NOL4: variants seen among roughly 807,000 people sequenced by gnomAD.
NOL4 encodes the protein nucleolar protein 4, also known as cancer/testis antigen 125.
Under a neutral mutation model 75.9 loss-of-function variants are expected in NOL4, and 17 were observed. That is an observed-to-expected ratio of 0.22 (90% CI 0.15 to 0.34). The LOEUF is 0.34. NOL4 is among the 10% of genes least tolerant of loss of function. NOL4 has a pLI of 1.00. For missense variants in NOL4, 614 were observed against 793.5 expected, an observed-to-expected ratio of 0.77 and a Z score of 2.72; for synonymous variants, 292 against 289.9, an observed-to-expected ratio of 1.01 and a Z score of -0.07.
At chr18:33,958,206 AT>A in intron 7 of NOL4, 32 bp downstream of exon 7, 1 of 1,562,392 alleles carries the variant, frequency 6.4e-7, no homozygotes, top group Non-Finnish European at 8.7e-7. Context: ...AGTGGTAAAA[AT>A]TAAACCACAC....
At chr18:33,893,019 T>G (rs1271204914) in intron 9 of NOL4, among the ~76,000 whole-genome samples, 1 of 151,996 alleles carries the variant, frequency 6.6e-6, no homozygotes, top group African/African-American at 2.4e-5. Flanking sequence ...TTTTATAATA[T>G]CATGAAAATA....
chr18:34,066,817 A>G (rs1162591022), intron 5 of NOL4, among the ~76,000 whole-genome samples: 1 of 151,966 alleles, frequency 6.6e-6, no homozygotes, highest in Non-Finnish European at 1.5e-5. Flanking sequence ...AACTCTATAT[A>G]TAATTAATGT....
chr18:34,118,385 A>G (rs1452887739), intron 2 of NOL4, among the ~76,000 whole-genome samples: 1 of 152,176 alleles, frequency 6.6e-6, no homozygotes, highest in Non-Finnish European at 1.5e-5. Context: ...TTGTATCACA[A>G]ACCCTCTGCA....
At chr18:33,987,272 C>T (rs1369994984) in intron 6 of NOL4, among the ~76,000 whole-genome samples, 2 of 152,126 alleles carry the variant, frequency 1.3e-5, no homozygotes. Context: ...TGATCATGAT[C>T]GGAGCTTGGA....
In NOL4 at chr18:33,945,065, G is replaced by A. The variant is rs550275443; in HGVS notation, c.1429-1887C>T. Among the ~76,000 whole-genome samples, 8 of 151,964 alleles carry A rather than the reference G, an allele frequency of 5.3e-5. No individual in the cohort carries two copies. In the South Asian group the frequency reaches 1.7e-3, roughly 32 times the overall value. On this transcript the variant is annotated intron_variant, in intron 8 of 10. Coordinates refer to ENST00000261592, the MANE Select transcript of NOL4 (RefSeq NM_003787.5). Reference sequence around the variant, plus strand: ...TATCAAAAAATAAAACAAATTATTTGATTGTAGTTAGCATTATTCAAATAG... The same window carrying A: ...TATCAAAAAATAAAACAAATTATTTAATTGTAGTTAGCATTATTCAAATAG...
chr18:34,071,353 T>TA (rs1354844593), intron 5 of NOL4, among the ~76,000 whole-genome samples: 3 of 151,252 alleles, frequency 2.0e-5, no homozygotes, highest in South Asian at 2.1e-4. Context: ...AGACAACCAC[T>TA]AAAAAAATAG....
intron 10 of NOL4, among the ~76,000 whole-genome samples, chr18:33,862,031 T>G (rs2063164748): frequency 6.6e-6 from 1 of 152,138 alleles, no homozygotes. Context: ...ACTACAAGGC[T>G]ACAGTAACCA....
intron 6 of NOL4, among the ~76,000 whole-genome samples, chr18:33,984,866 T>G (rs2072306205): frequency 6.6e-6 from 1 of 152,126 alleles, no homozygotes. Context: ...TTCTACATTT[T>G]TTCGACTCTG....
At chr18:34,130,155 G>A in intron 1 of NOL4, 135 bp from the exon 2 acceptor site, 1 of 753,614 alleles carries the variant, frequency 1.3e-6, no homozygotes, top group Non-Finnish European at 1.9e-6. Flanking sequence ...AAAAATTCAT[G>A]AATGAATATT....
intron 6 of NOL4, among the ~76,000 whole-genome samples, chr18:34,007,929 A>G (rs1483675688): frequency 6.6e-6 from 1 of 151,988 alleles, no homozygotes; most frequent in Non-Finnish European, 1.5e-5. Flanking sequence ...AGTCAACTAG[A>G]CTGCGCTATA....
Position 34,032,129 on chromosome 18 carries a change from G to A in NOL4, c.773-12528C>T, listed in dbSNP as rs117658572. Among the ~76,000 whole-genome samples, 6 of 152,336 alleles carry A rather than the reference G, an allele frequency of 3.9e-5. No homozygotes were observed. In the East Asian group the frequency reaches 1.2e-3, roughly 29 times the overall value. On this transcript the variant is annotated intron_variant, in intron 5 of 10. Coordinates refer to ENST00000261592, the MANE Select transcript of NOL4 (RefSeq NM_003787.5). ...CGTCTAAGGTGAAAGCACAAAGAAA[G>A]TGCAAGCAAGAAGCCAGCTACCACA... is the stretch of plus-strand genomic sequence containing the variant.
At chr18:34,033,143 A>T (rs543910282) in intron 5 of NOL4, among the ~76,000 whole-genome samples, 22 of 152,172 alleles carry the variant, frequency 1.4e-4, no homozygotes, top group Non-Finnish European at 3.1e-4. Flanking sequence ...CACAGGAAAC[A>T]TGAAAAAGCA....
intron 5 of NOL4, among the ~76,000 whole-genome samples, chr18:34,024,194 A>AAAAAAATATATATATATATATATATAT: frequency 1.4e-5 from 1 of 70,690 alleles, no homozygotes; most frequent in Non-Finnish European, 3.1e-5. Context: ...AAAAAAAAAA[A>AAAAAAATATATATATATATATATATAT]ATATATATAT....
intron 9 of NOL4, among the ~76,000 whole-genome samples, chr18:33,889,669 C>T (rs1048199953): frequency 5.3e-5 from 8 of 152,114 alleles, no homozygotes; most frequent in Admixed American, 5.2e-4. Flanking sequence ...TCCAACAGCA[C>T]ATCAAAAAGT....
At chr18:34,026,303 T>G (rs2075337270) in intron 5 of NOL4, among the ~76,000 whole-genome samples, 1 of 152,128 alleles carries the variant, frequency 6.6e-6, no homozygotes, top group African/African-American at 2.4e-5. Flanking sequence ...CCCTCTCTGG[T>G]TCAGGCAGTC....
At chr18:34,124,917 A>T (rs890655683) in intron 2 of NOL4, among the ~76,000 whole-genome samples, 1 of 151,980 alleles carries the variant, frequency 6.6e-6, no homozygotes, top group Non-Finnish European at 1.5e-5. Context: ...AAAAAAAAAA[A>T]AAATCAGACA....
chr18:33,908,343 C>A (rs895761197), intron 9 of NOL4, among the ~76,000 whole-genome samples: 3 of 152,272 alleles, frequency 2.0e-5, no homozygotes, highest in Admixed American at 1.3e-4. Context: ...TCAACACTGA[C>A]ATTAGGATAT....
chr18:34,143,429 C>T (rs1224699938), intron 1 of NOL4, among the ~76,000 whole-genome samples: 1 of 152,208 alleles, frequency 6.6e-6, no homozygotes, highest in East Asian at 1.9e-4. Flanking sequence ...ATCTAGCCAA[C>T]CTATGGTTTT....
chr18:34,189,102 G>A (rs1014954546), intron 1 of NOL4, among the ~76,000 whole-genome samples: 3 of 152,176 alleles, frequency 2.0e-5, no homozygotes, highest in Non-Finnish European at 4.4e-5. Flanking sequence ...TTGGCTCGTG[G>A]TTGTGGAAGC....
Sources: gnomAD v4.1 joint callset for allele counts (sites outside exome capture counted in the v4.1 genomes callset) on GRCh38, gnomAD v4.1.1 for gene constraint, MANE v1.5 for transcripts, NCBI Gene and HGNC (gene_info 2026-07-23, HGNC 2026-07-21) for gene names.